The following PDLIM1 variants were observed in gnomAD, a reference collection of about 807,000 sequenced individuals.
PDLIM1 encodes PDZ and LIM domain protein 1.
In PDLIM1, 25 loss-of-function variants were observed where a neutral mutation model predicts 35.2. The observed-to-expected ratio is 0.71, with a 90% CI of 0.52 to 0.99. The LOEUF (loss-of-function observed/expected upper bound fraction) is 0.99. Ranked by LOEUF, PDLIM1 falls within the 50% of genes least tolerant of loss-of-function variation. The pLI is 0.00. For missense variants in PDLIM1, 363 were observed against 415.3 expected (o/e 0.87, Z 1.09); for synonymous variants, 152 against 154.0 (o/e 0.99, Z 0.10).
At chr10:95,289,073 A>G (rs1342266141) in intron 1 of PDLIM1, among the ~76,000 whole-genome samples, 1 of 152,254 alleles carries the variant, frequency 6.6e-6, no homozygotes. Context: ...AAAAGCAGCT[A>G]AAGTGAAAGG....
intron 4 of PDLIM1, among the ~76,000 whole-genome samples, chr10:95,260,424 G>T (rs1014018832): frequency 6.6e-6 from 1 of 152,174 alleles, no homozygotes; most frequent in African/African-American, 2.4e-5. Flanking sequence ...CAGAGGAAAG[G>T]TGCTAGCTTT....
chr10:95,272,262 T>G (rs1226917199), intron 1 of PDLIM1, among the ~76,000 whole-genome samples: 1 of 152,204 alleles, frequency 6.6e-6, no homozygotes, highest in African/African-American at 2.4e-5. Flanking sequence ...AATACCCTAT[T>G]TCTTTAAAAA....
rs775597143 is a variant in PDLIM1 at position 95,268,760 on chromosome 10, C to T, written c.333+18G>A. ...TGCTGGGTGGTGAGAGCAGCGGCAA[C>T]GATGAGCAAGAACTTACCTGGGGTT... On this transcript the variant is annotated intron_variant, in intron 3 of 6. Coordinates refer to ENST00000329399, the MANE Select transcript of PDLIM1 (RefSeq NM_020992.4). 15 of 1,544,576 alleles carry T rather than the reference C, an allele frequency of 9.7e-6. No homozygotes were observed. The highest frequency in any genetic ancestry group is 6.7e-5 in the East Asian group (3 of 44,582).
chr10:95,282,121 C>T (rs924126642), intron 1 of PDLIM1, among the ~76,000 whole-genome samples: 2 of 152,202 alleles, frequency 1.3e-5, no homozygotes, highest in Non-Finnish European at 2.9e-5. Flanking sequence ...CAAGTTCAAT[C>T]GCAATGCTAC....
chr10:95,246,405 A>C (rs1481281753), intron 5 of PDLIM1, among the ~76,000 whole-genome samples: 1 of 152,256 alleles, frequency 6.6e-6, no homozygotes, highest in African/African-American at 2.4e-5. Flanking sequence ...TGTACGTTAC[A>C]TAATGTCTTC....
chr10:95,237,970 G>A lies in PDLIM1; in HGVS notation c.945C>T (p.Val315=). The A allele has an allele frequency of 6.2e-7, 1 of 1,614,188 alleles. No homozygotes were observed. The highest frequency in any genetic ancestry group is 8.5e-7 in the Non-Finnish European group (1 of 1,180,032). ...CCACTTCATAACCCTCAGGTGGTGT[G>A]ACTCGCTCCCGGGCATGCTTCTCAC... ...IYCEKHARER[V]TPPEGYEVVT... Residue 315 remains valine, a synonymous_variant, in exon 7 of 7, where the codon GTC becomes GTT. Transcript: ENST00000329399.
chr10:95,247,620 G>T, intron 4 of PDLIM1: 1 of 362,366 alleles, frequency 2.8e-6, no homozygotes, highest in East Asian at 4.5e-5. Flanking sequence ...TTACTTTTTG[G>T]CCTAATCCAG....
chr10:95,289,890 C>T (rs1177726519), intron 1 of PDLIM1, among the ~76,000 whole-genome samples: 1 of 152,240 alleles, frequency 6.6e-6, no homozygotes, highest in African/African-American at 2.4e-5. Context: ...TGCCCAAGCA[C>T]TGAACGTGAC....
At chr10:95,269,451 A>C (rs187037823) in intron 2 of PDLIM1, among the ~76,000 whole-genome samples, 1 of 152,166 alleles carries the variant, frequency 6.6e-6, no homozygotes, top group African/African-American at 2.4e-5. Context: ...ATACGCCTAT[A>C]ATCCCAGCTA....
intron 4 of PDLIM1, among the ~76,000 whole-genome samples, chr10:95,257,870 T>C (rs1395074754): frequency 6.6e-6 from 1 of 152,224 alleles, no homozygotes; most frequent in South Asian, 2.1e-4. Flanking sequence ...TTACTCACAA[T>C]AGCCAGGAGG....
At chr10:95,238,336 G>T (rs958828494) in intron 6 of PDLIM1, among the ~76,000 whole-genome samples, 9 of 141,940 alleles carry the variant, frequency 6.3e-5, no homozygotes, top group Non-Finnish European at 1.4e-4. Context: ...CTTCAACAGG[G>T]CAGCCCTGAT....
At position 95,247,279 on chromosome 10, in the gene PDLIM1, A is replaced by G; in HGVS notation, c.621T>C (p.Asn207=). ...YKMLQEKQEL[N]EPPKQSTSFL... ...AAGACGTGGACTGTTTCGGGGGCTC[A>G]TTCAACTCCTGTTTCTCCTGAAGCA... Residue 207 remains asparagine (N), a synonymous_variant, in exon 5 of 7, where the codon AAT becomes AAC. Transcript: ENST00000329399. 6.2e-7 allele frequency: 1 copy of G among 1,614,140 alleles called. No individual in the cohort carries two copies. Among genetic ancestry groups the G allele is most frequent in the Non-Finnish European group, 8.5e-7 (1 of 1,180,006 alleles).
rs2035138091 is a variant in PDLIM1 at position 95,237,739 on chromosome 10, T to C, written c.*186A>G. On this transcript the variant is annotated 3_prime_UTR_variant, in exon 7 of 7. Coordinates refer to ENST00000329399, the MANE Select transcript of PDLIM1 (RefSeq NM_020992.4). ...ACTGAACAAAACAGTTTTCCTTTAA[T>C]TGTAAAAGCGGGCATCGCACAGCTG... The C allele has an allele frequency of 5.2e-6, 3 of 574,482 alleles. No individual in the cohort carries two copies. The highest frequency in any genetic ancestry group is 3.1e-5 in the Admixed American group (1 of 32,404). The allele number at this position is 574,482 out of a possible 1,614,324, so 35.6% of individuals were successfully genotyped here. A position where few individuals can be genotyped will look rare whatever the true frequency, so the allele number is the denominator to read the frequency against.
chr10:95,251,491 G>T (rs45459092), intron 4 of PDLIM1, among the ~76,000 whole-genome samples: 2 of 152,008 alleles, frequency 1.3e-5, no homozygotes, highest in African/African-American at 4.8e-5. Flanking sequence ...CAGTAGAATC[G>T]CTTGAACCTA....
rs760107687 is a variant in PDLIM1, at chr10:95,268,846, A to G, written c.265T>C (p.Trp89Arg). ...LTVARSEHKV[W>R]SPLVTEEGKR... is the part of the protein sequence containing the mutation. ...CCTTCCTCCGTCACCAGAGGAGACC[A>G]GACTTTATGTTCAGATCTGCAACAG... The change falls in exon 3 of 7, where the codon TGG becomes CGG. Residue 89 changes from tryptophan to arginine, a missense_variant. Physicochemically the swap from Trp to Arg is moderately radical, Grantham distance 101 (BLOSUM62 -3). Transcript: ENST00000329399. The G allele has an allele frequency of 1.2e-6, 2 of 1,610,422 alleles. No individual in the cohort carries two copies. Among genetic ancestry groups the G allele is most frequent in the Non-Finnish European group, 1.7e-6 (2 of 1,176,568 alleles).
intron 4 of PDLIM1, among the ~76,000 whole-genome samples, chr10:95,254,945 A>G (rs971660165): frequency 3.9e-5 from 6 of 152,164 alleles, no homozygotes; most frequent in African/African-American, 1.4e-4. Context: ...TAAATAAATC[A>G]GAAATGAAAG....
chr10:95,259,159 T>C (rs1241817252), intron 4 of PDLIM1, among the ~76,000 whole-genome samples: 1 of 152,206 alleles, frequency 6.6e-6, no homozygotes, highest in Admixed American at 6.5e-5. Flanking sequence ...TTGTTACTAT[T>C]GTGTTTTCAA....
intron 1 of PDLIM1, among the ~76,000 whole-genome samples, chr10:95,288,029 A>G (rs184046628): frequency 6.6e-6 from 1 of 152,224 alleles, no homozygotes; most frequent in East Asian, 1.9e-4. Context: ...CAAGGAAGGG[A>G]TTACCATAGG....
In PDLIM1 at chr10:95,271,632, C is replaced by G; in HGVS notation, c.248+1G>C. 1 of 1,593,514 alleles carries G rather than the reference C, an allele frequency of 6.3e-7. No individual in the cohort carries two copies. Among genetic ancestry groups the G allele is most frequent in the East Asian group, 2.2e-5 (1 of 44,618 alleles). The stretch of plus-strand genomic sequence containing the variant: ...GAACAAAACGTTTCCATAGGCTTCA[C>G]CTGGCTACAGTGAGAGTCAAGTTGT... On this transcript the variant is annotated splice_donor_variant, in intron 2 of 6. Transcript: ENST00000329399. LOFTEE classifies it high-confidence loss of function.
Sources: gnomAD v4.1 joint callset for allele counts (sites outside exome capture counted in the v4.1 genomes callset) on GRCh38, gnomAD v4.1.1 for gene constraint, MANE v1.5 for transcripts, NCBI Gene and HGNC (gene_info 2026-07-23, HGNC 2026-07-21) for gene names.